GMNC: variants seen among roughly 807,000 people sequenced by gnomAD.
The protein encoded by GMNC is geminin coiled-coil domain-containing protein 1.
In GMNC, 16 loss-of-function variants were observed where a neutral mutation model predicts 33.6. That is an observed-to-expected ratio of 0.48 (90% confidence interval 0.32 to 0.72). The LOEUF (loss-of-function observed/expected upper bound fraction) is 0.72. Ranked by LOEUF, GMNC falls within the 30% of genes least tolerant of loss-of-function variation. The pLI is 0.03. For synonymous variants in GMNC, 156 were observed against 147.3 expected (o/e 1.06, Z -0.43); for missense variants, 393 against 388.9 (o/e 1.01, Z -0.09).
chr3:190,843,576 T>C, the GMNC span, among the ~76,000 whole-genome samples: 1 of 152,180 alleles, frequency 6.6e-6, no homozygotes, highest in Non-Finnish European at 1.5e-5. Context: ...GCTTTCCCTT[T>C]ATAATTCTGG....
chr3:190,860,824 A>G lies in GMNC; in HGVS notation c.38T>C (p.Val13Ala), dbSNP rs376955349. ...TILPCQDQYF[V>A]GGQSYNCPYS... ...CGGGCAATTATAGCTCTGGCCTCCT[A>G]CAAAGTACTGGTCTTGGCAAGGCAG... is the stretch of plus-strand genomic sequence containing the variant. The change falls in exon 2 of 5, where the codon GTA (valine) becomes GCA (alanine). Residue 13 changes from valine to alanine, a missense_variant. Transcript: ENST00000442080. The G allele has an allele frequency of 5.8e-6, 9 of 1,551,342 alleles. No individual in the cohort carries two copies. In the African/African-American group the frequency reaches 6.8e-5, roughly 12 times the overall value.
At chr3:190,856,061 G>A in intron 4 of GMNC, 146 bp from the exon 5 acceptor site, 1 of 615,884 alleles carries the variant, frequency 1.6e-6, no homozygotes, top group Non-Finnish European at 2.7e-6. Context: ...GTGATGACAA[G>A]TTACTGCCTA....
chr3:190,844,418 C>T, the GMNC span, among the ~76,000 whole-genome samples: 5 of 151,200 alleles, frequency 3.3e-5, no homozygotes, highest in African/African-American at 1.2e-4. Context: ...AATGAAGTTG[C>T]AATTGTGTTT....
chr3:190,846,993 T>G, the GMNC span, among the ~76,000 whole-genome samples: 1 of 152,206 alleles, frequency 6.6e-6, no homozygotes, highest in African/African-American at 2.4e-5. Flanking sequence ...TCCAAGGCAC[T>G]TAAGAATGGA....
At position 190,855,924 on chromosome 3, in the gene GMNC, G is replaced by C. The variant is rs771733458; in HGVS notation, c.385-9C>G. 10 of 1,514,000 alleles carry C rather than the reference G, an allele frequency of 6.6e-6. No individual in the cohort carries two copies. The highest frequency in any genetic ancestry group is 8.9e-6 in the Non-Finnish European group (10 of 1,129,016). 93.8% of individuals were successfully genotyped at this position (1,514,000 alleles called of 1,614,324 possible). ...TCAGATGAGAGCAATTTCTAGGGAA[G>C]TGATATTTGAAAGTTATACTTTTTT... is the stretch of plus-strand genomic sequence containing the variant. On this transcript the variant is annotated splice_polypyrimidine_tract_variant and intron_variant, in intron 4 of 4. Transcript: ENST00000442080.
At chr3:190,846,494 A>G in the GMNC span, among the ~76,000 whole-genome samples, 8,844 of 152,076 alleles carry the variant, frequency 0.058, 297 homozygotes, top group East Asian at 0.16. Context: ...ACATTTTAAC[A>G]CTTTTACTAA....
At chr3:190,846,253 G>A in the GMNC span, among the ~76,000 whole-genome samples, 1 of 151,738 alleles carries the variant, frequency 6.6e-6, no homozygotes, top group Non-Finnish European at 1.5e-5. Flanking sequence ...AGAAAGAAAA[G>A]AAAAAAGAAA....
chr3:190,859,919 G>C, intron 2 of GMNC: 1 of 392,170 alleles, frequency 2.5e-6, no homozygotes, highest in Non-Finnish European at 5.1e-6. Context: ...TGTTTTTACT[G>C]TTGCTTGTAG....
the GMNC span, among the ~76,000 whole-genome samples, chr3:190,845,792 C>T: frequency 6.6e-6 from 1 of 152,058 alleles, no homozygotes. Context: ...CAGACGTGAG[C>T]CACCGCGCCG....
intron 4 of GMNC, among the ~76,000 whole-genome samples, chr3:190,857,580 A>C (rs1190476573): frequency 6.6e-6 from 1 of 152,184 alleles, no homozygotes; most frequent in African/African-American, 2.4e-5. Context: ...TTGTAACATA[A>C]GACTGACATC....
chr3:190,860,560 C>T (rs765871088), intron 2 of GMNC, 124 bp downstream of exon 2: 5 of 771,908 alleles, frequency 6.5e-6, no homozygotes, highest in Non-Finnish European at 8.1e-6. Flanking sequence ...AATCAGGAGT[C>T]CTTGGGTTTA....
chr3:190,849,013 G>A (rs1383542351), downstream of GMNC, among the ~76,000 whole-genome samples: 1 of 152,084 alleles, frequency 6.6e-6, no homozygotes, highest in Non-Finnish European at 1.5e-5. Flanking sequence ...GTCATTGAAA[G>A]GATATTTCCA....
At chr3:190,860,967 A>G in intron 1 of GMNC, 109 bp from the exon 2 acceptor site, 1 of 733,898 alleles carries the variant, frequency 1.4e-6, no homozygotes, top group Non-Finnish European at 2.2e-6. Context: ...AGTGAAATAT[A>G]AAGAAAAAAA....
At chr3:190,846,948 TG>T in the GMNC span, among the ~76,000 whole-genome samples, 1 of 152,348 alleles carries the variant, frequency 6.6e-6, no homozygotes, top group African/African-American at 2.4e-5. Flanking sequence ...ATATTATAAC[TG>T]ATCTCCCTCT....
rs1553787646 is a variant in GMNC, at chr3:190,862,362, A to AGACAGAGAGAGAGAGAGAG, written c.3+250_3+251insCTCTCTCTCTCTCTCTGTC. Among the ~76,000 whole-genome samples the AGACAGAGAGAGAGAGAGAG allele has an allele frequency of 1.4e-5, 2 of 147,664 alleles. No homozygotes were observed. The highest frequency in any genetic ancestry group is 4.0e-4 in the East Asian group (2 of 5,014). Reference sequence around the variant, plus strand: ...AAGTAAGGAAAGTAGTAATAACAGAAAGAGAGAGAGAGGGCGAGAGAGAGA... The same window carrying AGACAGAGAGAGAGAGAGAG: ...AAGTAAGGAAAGTAGTAATAACAGAAGACAGAGAGAGAGAGAGAGAGAGAGAGAGAGGGCGAGAGAGAGA... On this transcript the variant is annotated intron_variant, in intron 1 of 4. Transcript: ENST00000442080. The surrounding 1 kb of genome is among the most constrained non-coding windows in gnomAD (Gnocchi z 4.5).
downstream of GMNC, among the ~76,000 whole-genome samples, chr3:190,849,321 C>G (rs1449433426): frequency 6.6e-6 from 1 of 152,110 alleles, no homozygotes; most frequent in Non-Finnish European, 1.5e-5. Flanking sequence ...CCACCTGGCA[C>G]TGTGCAGATG....
the GMNC span, among the ~76,000 whole-genome samples, chr3:190,847,123 G>C: frequency 2.6e-5 from 4 of 152,268 alleles, no homozygotes; most frequent in South Asian, 8.3e-4. Flanking sequence ...TGGATAACAT[G>C]ACTAGCTATT....
chr3:190,856,552 A>G (rs1011204336), intron 4 of GMNC, among the ~76,000 whole-genome samples: 1 of 147,356 alleles, frequency 6.8e-6, no homozygotes, highest in Non-Finnish European at 1.5e-5. Flanking sequence ...ATCATTTACT[A>G]CAATTTATAA....
Position 190,860,765 on chromosome 3 carries a change from C to G in GMNC, c.97G>C (p.Val33Leu), listed in dbSNP as rs749453426. ...AAAGAGACCCAAGTCTCCGTGGAAA[C>G]GTCAACACTAGATTCTGACGTTGTA... The part of the protein sequence containing the change: ...STTTSESSVD[V>L]STETWVSFWA... The change falls in exon 2 of 5, where the codon GTT becomes CTT. Residue 33 changes from valine to leucine, a missense_variant. Transcript: ENST00000442080. The G allele has an allele frequency of 1.9e-6, 3 of 1,551,422 alleles. No individual in the cohort carries two copies. The highest frequency in any genetic ancestry group is 2.6e-6 in the Non-Finnish European group (3 of 1,146,950).
Sources: allele counts gnomAD v4.1 joint callset (sites outside exome capture counted in the v4.1 genomes callset), GRCh38; gene constraint gnomAD v4.1.1; non-coding constraint Gnocchi (gnomAD v3.1); transcripts MANE v1.5; gene names NCBI Gene and HGNC (gene_info 2026-07-23, HGNC 2026-07-21).